NUP210L: variants seen among roughly 807,000 people sequenced by gnomAD.
NUP210L encodes nuclear pore membrane glycoprotein 210-like.
NUP210L carries 74 observed loss-of-function variants against 208.5 expected under a neutral mutation model. The ratio of observed to expected loss-of-function variants is 0.35; its 90% CI spans 0.29 to 0.43. The LOEUF (loss-of-function observed/expected upper bound fraction) is 0.43, where lower values mean the gene tolerates loss of function less well. Among genes scored for constraint, NUP210L ranks in the 20% least tolerant of loss-of-function variants. NUP210L has a pLI of 1.00. For missense variants in NUP210L, 1,843 were observed against 2,289.4 expected (o/e 0.81, Z 3.98); for synonymous variants, 780 against 816.9 (o/e 0.95, Z 0.77).
At chr1:154,152,394 A>ACC (rs566487346) in intron 2 of NUP210L, among the ~76,000 whole-genome samples, 8 of 151,726 alleles carry the variant, frequency 5.3e-5, no homozygotes, top group Non-Finnish European at 1.2e-4. Context: ...GGCTGGTCTC[A>ACC]AATTCCCCAC....
At chr1:154,136,313 G>C (rs572919663) in intron 6 of NUP210L, among the ~76,000 whole-genome samples, 25 of 152,094 alleles carry the variant, frequency 1.6e-4, no homozygotes, top group African/African-American at 5.5e-4. Flanking sequence ...TTAGCCGGGC[G>C]TGATGGCGTG....
chr1:154,042,017 T>A (rs1446764599), intron 27 of NUP210L, among the ~76,000 whole-genome samples: 1 of 152,108 alleles, frequency 6.6e-6, no homozygotes, highest in African/African-American at 2.4e-5. Flanking sequence ...AATTGTTTAA[T>A]CCAAATGAAC....
At chr1:153,993,053 G>A in exon 39 of NUP210L, 2 of 1,613,636 alleles carry the variant, frequency 1.2e-6, no homozygotes, top group Non-Finnish European at 1.7e-6. Flanking sequence ...ATACACAACT[G>A]GAACTGTTTG....
intron 23 of NUP210L, among the ~76,000 whole-genome samples, chr1:154,055,179 CTTTCTTTCTTTT>C (rs1653788269): frequency 9.6e-6 from 1 of 103,822 alleles, no homozygotes; most frequent in Non-Finnish European, 2.1e-5. Context: ...TTCTTTCTTT[CTTTCTTTCTTTT>C]TCTTTCTTTC....
chr1:154,001,157 A>G (rs1011279661), intron 36 of NUP210L, 97 bp from the exon 37 acceptor site: 1 of 986,102 alleles, frequency 1.0e-6, no homozygotes, highest in South Asian at 1.6e-5. Flanking sequence ...ATAATTGTCA[A>G]GATCTGGATT....
intron 35 of NUP210L, among the ~76,000 whole-genome samples, chr1:154,006,948 A>G (rs4845588): frequency 0.12 from 9,702 of 84,322 alleles, 440 homozygotes; most frequent in Non-Finnish European, 0.17. Context: ...GTGTGTGTGT[A>G]TATATATATA....
intron 13 of NUP210L, among the ~76,000 whole-genome samples, chr1:154,102,743 G>A (rs1300262940): frequency 6.6e-6 from 1 of 152,084 alleles, no homozygotes; most frequent in Non-Finnish European, 1.5e-5. Flanking sequence ...AGCAGGAAAG[G>A]ATGTTGACCG....
chr1:154,124,405 G>A (rs1402409123), intron 10 of NUP210L, among the ~76,000 whole-genome samples: 1 of 152,116 alleles, frequency 6.6e-6, no homozygotes, highest in Admixed American at 6.6e-5. Flanking sequence ...AGCAGGTTTG[G>A]CAGGCTAGTA....
At chr1:154,002,602 G>T (rs1174339030) in intron 35 of NUP210L, among the ~76,000 whole-genome samples, 2 of 151,692 alleles carry the variant, frequency 1.3e-5, no homozygotes, top group Non-Finnish European at 2.9e-5. Context: ...TCCAGCTTGG[G>T]GACAGAGCAA....
intron 12 of NUP210L, among the ~76,000 whole-genome samples, chr1:154,117,024 G>A (rs1459943086): frequency 1.3e-5 from 2 of 152,188 alleles, no homozygotes; most frequent in African/African-American, 4.8e-5. Flanking sequence ...CTCTGAACTT[G>A]TAGAGCACTG....
chr1:154,068,833 G>C (rs1654548463), intron 17 of NUP210L, among the ~76,000 whole-genome samples: 1 of 152,070 alleles, frequency 6.6e-6, no homozygotes, highest in Non-Finnish European at 1.5e-5. Context: ...TGTGGGGTGG[G>C]GGAAGGGGGG....
rs1434093544 is a variant in NUP210L, at chr1:154,140,666, C to CAAAAAAAAAAAAAA, written c.567-715_567-714insTTTTTTTTTTTTTT. Among the ~76,000 whole-genome samples, 38 of 102,456 alleles carry CAAAAAAAAAAAAAA rather than the reference C, an allele frequency of 3.7e-4. 3 individuals carry two copies. The highest frequency in any genetic ancestry group is 6.0e-4 in the South Asian group (2 of 3,320). The allele number at this position is 102,456 out of a possible 152,430, so 67.2% of individuals were successfully genotyped here. ...TGAGTGACAGAGCAAGACTCCATCT[C>CAAAAAAAAAAAAAA]AAAAAAAAAAACAGAAAAAGAAAAG... On this transcript the variant is annotated intron_variant, in intron 4 of 39. Transcript: ENST00000368559.
chr1:154,123,138 T>C (rs1376189547), intron 10 of NUP210L, among the ~76,000 whole-genome samples: 1 of 151,834 alleles, frequency 6.6e-6, no homozygotes, highest in Non-Finnish European at 1.5e-5. Context: ...AACACTCCAA[T>C]GTCAGTTGTA....
chr1:154,027,255 G>A (rs1040790119), intron 29 of NUP210L, among the ~76,000 whole-genome samples: 2 of 152,186 alleles, frequency 1.3e-5, no homozygotes, highest in South Asian at 4.1e-4. Flanking sequence ...TCACAGGTAT[G>A]GGATCTCCTT....
In NUP210L at chr1:154,070,324, AT is replaced by A; in HGVS notation, c.2502del (p.Lys834AsnfsTer6). On this transcript the variant is annotated frameshift_variant, in exon 17 of 40. Transcript: ENST00000368559. LOFTEE classifies it high-confidence loss of function. ...TCATCTTTTGCTACCATTTCCACTG[AT>A]TTATAATCTTCGAAATGGGCTAGTG... 1 of 1,613,026 alleles carries A rather than the reference AT, an allele frequency of 6.2e-7. No homozygotes were observed. Among genetic ancestry groups the A allele is most frequent in the Non-Finnish European group, 8.5e-7 (1 of 1,179,672 alleles).
intron 16 of NUP210L, 94 bp downstream of exon 16, chr1:154,089,327 C>A: frequency 1.9e-6 from 2 of 1,050,140 alleles, no homozygotes; most frequent in Non-Finnish European, 2.8e-6. Flanking sequence ...GGCAATTCTA[C>A]TTCTGGATAT....
chr1:154,065,879 T>G, intron 17 of NUP210L, among the ~76,000 whole-genome samples: 1 of 109,800 alleles, frequency 9.1e-6, no homozygotes, highest in African/African-American at 3.8e-5. Context: ...GGCAACACAG[T>G]GAGACTCTGT....
At chr1:154,026,862 C>T (rs868538383) in intron 29 of NUP210L, among the ~76,000 whole-genome samples, 4 of 151,862 alleles carry the variant, frequency 2.6e-5, no homozygotes, top group Non-Finnish European at 5.9e-5. Context: ...CCGGGAGGAT[C>T]GCCTGAGGTC....
chr1:154,001,592 G>T, intron 36 of NUP210L, 143 bp downstream of exon 36: 1 of 946,558 alleles, frequency 1.1e-6, no homozygotes, highest in Non-Finnish European at 1.6e-6. Context: ...AAGGAGATGG[G>T]TTTTCTTCAT....
Sources: gnomAD v4.1 joint callset for allele counts (sites outside exome capture counted in the v4.1 genomes callset) on GRCh38, gnomAD v4.1.1 for gene constraint, MANE v1.5 for transcripts, NCBI Gene and HGNC (gene_info 2026-07-23, HGNC 2026-07-21) for gene names.